Variants in CFAP299 observed in about 807,000 individuals in gnomAD.
The protein encoded by CFAP299 is cilia- and flagella-associated protein 299.
Under a neutral mutation model 27.0 loss-of-function variants are expected in CFAP299, and 21 were observed. The ratio of observed to expected loss-of-function variants is 0.78; its 90% CI spans 0.55 to 1.12. CFAP299 has a LOEUF of 1.12. Ranked by LOEUF, CFAP299 falls within the 50% of genes most tolerant of loss-of-function variation. The pLI is 0.00. For missense variants in CFAP299, 310 were observed against 276.6 expected (o/e 1.12, Z -0.86); for synonymous variants, 104 against 98.1 (o/e 1.06, Z -0.36).
At chr4:80,667,510 C>T (rs1256551213) in intron 3 of CFAP299, among the ~76,000 whole-genome samples, 1 of 152,088 alleles carries the variant, frequency 6.6e-6, no homozygotes, top group Non-Finnish European at 1.5e-5. Flanking sequence ...TCAACCTTTC[C>T]TGTCCTCTGG....
chr4:80,767,444 C>T (rs1054485586), intron 3 of CFAP299, among the ~76,000 whole-genome samples: 1 of 151,880 alleles, frequency 6.6e-6, no homozygotes. Flanking sequence ...CCTGTCTCTA[C>T]TAAAAATACA....
chr4:80,642,492 G>C (rs979993834), intron 3 of CFAP299, among the ~76,000 whole-genome samples: 1 of 152,154 alleles, frequency 6.6e-6, no homozygotes, highest in African/African-American at 2.4e-5. Context: ...TTGGCCAGGC[G>C]TGGTGGCTCA....
intron 2 of CFAP299, among the ~76,000 whole-genome samples, chr4:80,481,126 G>C (rs79078635): frequency 0.029 from 4,341 of 152,100 alleles, 94 homozygotes; most frequent in Non-Finnish European, 0.046. Context: ...AAAAAACTTA[G>C]TAGAGGCAGC....
chr4:80,768,141 C>T (rs1181741837), intron 3 of CFAP299, among the ~76,000 whole-genome samples: 1 of 152,106 alleles, frequency 6.6e-6, no homozygotes, highest in African/African-American at 2.4e-5. Flanking sequence ...ATTTGCTTCC[C>T]TTCAGGGAGG....
intron 1 of CFAP299, 22 bp downstream of exon 1, chr4:80,335,901 G>C (rs1337592632): frequency 6.8e-7 from 1 of 1,464,066 alleles, no homozygotes; most frequent in Non-Finnish European, 9.6e-7. Flanking sequence ...GCGCGGCAGA[G>C]TAGCCGCCGC....
intron 2 of CFAP299, among the ~76,000 whole-genome samples, chr4:80,426,391 A>G (rs1434021086): frequency 6.6e-6 from 1 of 152,196 alleles, no homozygotes; most frequent in Non-Finnish European, 1.5e-5. Context: ...GTTTTCTAAG[A>G]ATTTCTAAAA....
intron 2 of CFAP299, among the ~76,000 whole-genome samples, chr4:80,428,599 T>G (rs1303186858): frequency 6.6e-6 from 1 of 152,238 alleles, no homozygotes; most frequent in Non-Finnish European, 1.5e-5. Flanking sequence ...CTATCTTGGC[T>G]CACTGCAACC....
At chr4:80,367,167 C>T (rs1267192162) in intron 2 of CFAP299, among the ~76,000 whole-genome samples, 14 of 152,078 alleles carry the variant, frequency 9.2e-5, no homozygotes, top group Non-Finnish European at 1.5e-5. Context: ...AATCTATTGA[C>T]TTGTGCACCT....
At chr4:80,943,377 TA>T (rs1429847250) in intron 4 of CFAP299, among the ~76,000 whole-genome samples, 3 of 152,148 alleles carry the variant, frequency 2.0e-5, no homozygotes, top group African/African-American at 7.2e-5. Context: ...ATGAAAGTGG[TA>T]ATAATGATGC....
chr4:80,553,320 G>A (rs1280880812), intron 2 of CFAP299, among the ~76,000 whole-genome samples: 1 of 152,148 alleles, frequency 6.6e-6, no homozygotes, highest in East Asian at 1.9e-4. Context: ...CAAAAGACAG[G>A]ATCCCATTCT....
chr4:80,583,627 A>G (rs1736284770), intron 3 of CFAP299, among the ~76,000 whole-genome samples: 1 of 151,940 alleles, frequency 6.6e-6, no homozygotes, highest in South Asian at 2.1e-4. Context: ...TAGTAGAAGA[A>G]CTGTGTTATC....
At position 80,407,366 on chromosome 4, in the gene CFAP299, T is replaced by C. The variant is rs973598210; in HGVS notation, c.242+44482T>C. Among the ~76,000 whole-genome samples, 7 of 152,332 alleles carry C rather than the reference T, an allele frequency of 4.6e-5. No individual in the cohort carries two copies. In the East Asian group the frequency reaches 1.4e-3, roughly 29 times the overall value. On this transcript the variant is annotated intron_variant, in intron 2 of 5. Coordinates refer to ENST00000358105, the MANE Select transcript of CFAP299 (RefSeq NM_152770.3). ...GGGCTCAGTCCTGCTGCTGTAGAACTGGCTCAGATGATCTTGGCTGGACTT... is the reference window on the plus strand; with the variant it reads ...GGGCTCAGTCCTGCTGCTGTAGAACCGGCTCAGATGATCTTGGCTGGACTT...
chr4:80,823,787 G>T (rs1276736428), intron 3 of CFAP299, among the ~76,000 whole-genome samples: 1 of 151,992 alleles, frequency 6.6e-6, no homozygotes, highest in Non-Finnish European at 1.5e-5. Context: ...TTCTAGATAA[G>T]GGTACTAAGG....
chr4:80,451,762 A>G (rs1005236946), intron 2 of CFAP299, among the ~76,000 whole-genome samples: 2 of 152,184 alleles, frequency 1.3e-5, no homozygotes, highest in Admixed American at 1.3e-4. Flanking sequence ...TTACCTTCAC[A>G]CATTACTCTA....
rs140721730 is a variant in CFAP299, at chr4:80,808,857, T to A, written c.334-61136T>A. On this transcript the variant is annotated intron_variant, in intron 3 of 5. Coordinates refer to ENST00000358105, the MANE Select transcript of CFAP299 (RefSeq NM_152770.3). ...AATGTGGTCATGGTACATAGTCCCA[T>A]GATTTACGATCAGATGGATTAACCA... 6.1e-4 allele frequency among the ~76,000 whole-genome samples: 93 copies of A among 152,220 alleles called. 2 individuals are homozygous for A. Among genetic ancestry groups the A allele is most frequent in the African/African-American group, 2.1e-3 (88 of 41,564 alleles).
chr4:80,917,960 A>T (rs1049810787), intron 4 of CFAP299, among the ~76,000 whole-genome samples: 2 of 152,226 alleles, frequency 1.3e-5, no homozygotes, highest in Admixed American at 1.3e-4. Flanking sequence ...AATCATTTGT[A>T]TGAAATGATA....
chr4:80,391,266 C>A (rs552369824), intron 2 of CFAP299, among the ~76,000 whole-genome samples: 102 of 152,204 alleles, frequency 6.7e-4, no homozygotes, highest in Non-Finnish European at 1.1e-3. Flanking sequence ...TGTGGTAGTT[C>A]TATTTTTAAT....
chr4:80,719,620 G>T (rs1223545160), intron 3 of CFAP299, among the ~76,000 whole-genome samples: 1 of 152,160 alleles, frequency 6.6e-6, no homozygotes, highest in African/African-American at 2.4e-5. Context: ...TAAACTGCAT[G>T]CTCTTTGTAA....
In CFAP299 at chr4:80,963,653, A is replaced by C; in HGVS notation, c.*41A>C. The C allele has an allele frequency of 7.3e-7, 1 of 1,364,030 alleles. No individual in the cohort carries two copies. The highest frequency in any genetic ancestry group is 1.2e-5 in the South Asian group (1 of 82,874). The allele number at this position is 1,364,030 out of a possible 1,614,324, so 84.5% of individuals were successfully genotyped here. A position where few individuals can be genotyped will look rare whatever the true frequency, so the allele number is the denominator to read the frequency against. On this transcript the variant is annotated 3_prime_UTR_variant, in exon 6 of 6. Coordinates refer to ENST00000358105, the MANE Select transcript of CFAP299 (RefSeq NM_152770.3). The stretch of plus-strand genomic sequence containing the variant: ...TTTCCTAATAATTTGCTAAATTTAA[A>C]TAAATTCCGTAGACAGAGCAAATTA...
Sources: allele counts gnomAD v4.1 joint callset (sites outside exome capture counted in the v4.1 genomes callset), GRCh38; gene constraint gnomAD v4.1.1; transcripts MANE v1.5; gene names NCBI Gene and HGNC (gene_info 2026-07-23, HGNC 2026-07-21).